Variants in UNC80 observed in about 807,000 individuals in gnomAD.
UNC80 encodes the protein protein unc-80 homolog.
UNC80 carries 164 observed loss-of-function variants against 384.6 expected under a neutral mutation model. The ratio of observed to expected loss-of-function variants is 0.43; its 90% CI spans 0.38 to 0.49. The LOEUF (loss-of-function observed/expected upper bound fraction) is 0.49, where lower values mean the gene tolerates loss of function less well. Ranked by LOEUF, UNC80 falls within the 20% of genes least tolerant of loss-of-function variation. The probability of loss-of-function intolerance (pLI) is 0.00; values close to 1 mark genes in which losing one functional copy is unlikely to be tolerated. For missense variants in UNC80, 3,330 were observed against 4,143.0 expected (o/e 0.80, Z 5.39); for synonymous variants, 1,486 against 1,527.8 (o/e 0.97, Z 0.64).
chr2:209,863,968 G>A (rs1183334676), intron 22 of UNC80, among the ~76,000 whole-genome samples: 1 of 151,948 alleles, frequency 6.6e-6, no homozygotes, highest in Admixed American at 6.6e-5. Flanking sequence ...ATCTTCGTGA[G>A]TTTGTCTAGT....
chr2:209,984,916 C>T lies in UNC80; in HGVS notation c.9314+4C>T. The T allele has an allele frequency of 1.3e-6, 2 of 1,550,422 alleles. No individual in the cohort carries two copies. Among genetic ancestry groups the T allele is most frequent in the Non-Finnish European group, 1.7e-6 (2 of 1,146,418 alleles). The stretch of plus-strand genomic sequence containing the variant: ...CCGCCGAGGGCAGCCTCTCTAGGTA[C>T]AGTGTCAATGCTACCTGTCTATTGG... On this transcript the variant is annotated splice_donor_region_variant and intron_variant, in intron 61 of 64. Transcript: ENST00000673920.
Position 209,849,642 on chromosome 2 carries a change from T to A in UNC80, c.3627+19T>A. ...GGATCTAGTAAGTTGGTGAAAGAATTTTCCCACCCTGCCCCCCATCCCAAG... is the reference window on the plus strand; with the variant it reads ...GGATCTAGTAAGTTGGTGAAAGAATATTCCCACCCTGCCCCCCATCCCAAG... On this transcript the variant is annotated intron_variant, in intron 22 of 64. Transcript: ENST00000673920. The A allele has an allele frequency of 1.3e-6, 2 of 1,547,728 alleles. No individual in the cohort carries two copies. The highest frequency in any genetic ancestry group is 1.7e-4 in the Middle Eastern group (1 of 5,906).
In UNC80 at chr2:209,878,095, G is replaced by T. The variant is rs1192049346; in HGVS notation, c.3976+6G>T. 6.5e-7 allele frequency: 1 copy of T among 1,528,372 alleles called. No individual in the cohort carries two copies. The highest frequency in any genetic ancestry group is 1.2e-5 in the South Asian group (1 of 80,442). 94.7% of individuals were successfully genotyped at this position (1,528,372 alleles called of 1,614,324 possible). On this transcript the variant is annotated splice_donor_region_variant and intron_variant, in intron 24 of 64. Coordinates refer to ENST00000673920, the MANE Select transcript of UNC80 (RefSeq NM_001371986.1). Reference sequence around the variant, plus strand: ...GGAAGACTTTTTAGATGACAGTAAGGAGACTCCCTTTACTACAAGAACCCC... The same window carrying T: ...GGAAGACTTTTTAGATGACAGTAAGTAGACTCCCTTTACTACAAGAACCCC...
intron 16 of UNC80, among the ~76,000 whole-genome samples, chr2:209,832,206 GTA>G (rs760956241): frequency 3.9e-5 from 6 of 152,046 alleles, no homozygotes; most frequent in African/African-American, 9.7e-5. Context: ...CGAGTTCAGT[GTA>G]TACTGCTTGG....
intron 51 of UNC80, chr2:209,961,356 G>A (rs1457878884): frequency 1.6e-4 from 24 of 152,158 alleles, no homozygotes; most frequent in Admixed American, 1.6e-3. Context: ...GTAAACTAAG[G>A]TCCTGGTCTT....
intron 39 of UNC80, among the ~76,000 whole-genome samples, chr2:209,934,843 A>G (rs1005888394): frequency 6.6e-6 from 1 of 152,198 alleles, no homozygotes; most frequent in African/African-American, 2.4e-5. Context: ...CATTCGATGA[A>G]TGGGAATTGT....
intron 21 of UNC80, among the ~76,000 whole-genome samples, chr2:209,844,479 C>CTT (rs1491321381): frequency 1.9e-5 from 1 of 52,754 alleles, no homozygotes; most frequent in Admixed American, 1.9e-4. Context: ...TTCTTTCTTT[C>CTT]CTTCCTTCCT....
chr2:209,951,294 T>C (rs1471260299), intron 47 of UNC80, among the ~76,000 whole-genome samples: 1 of 133,656 alleles, frequency 7.5e-6, no homozygotes, highest in Non-Finnish European at 1.6e-5. Flanking sequence ...GTGTCCTTTT[T>C]TTTTCTCTCT....
At chr2:209,852,416 T>C (rs2082598539) in intron 22 of UNC80, among the ~76,000 whole-genome samples, 1 of 152,048 alleles carries the variant, frequency 6.6e-6, no homozygotes, top group Non-Finnish European at 1.5e-5. Flanking sequence ...GCAGAGGTGT[T>C]GGTAGAGAAT....
At position 209,883,887 on chromosome 2, in the gene UNC80, T is replaced by C. The variant is rs780141858; in HGVS notation, c.4110+2793T>C. Among the ~76,000 whole-genome samples the C allele has an allele frequency of 1.3e-4, 20 of 152,214 alleles. 1 individual carries two copies. Among genetic ancestry groups the C allele is most frequent in the Non-Finnish European group, 8.8e-5 (6 of 68,046 alleles). On this transcript the variant is annotated intron_variant, in intron 25 of 64. Transcript: ENST00000673920. Reference sequence around the variant, plus strand: ...TCACATATGTCAGAATTTCCTTCTTTTTTAAGGCTATATGGTTTTTTAAGA... The same window carrying C: ...TCACATATGTCAGAATTTCCTTCTTCTTTAAGGCTATATGGTTTTTTAAGA...
intron 7 of UNC80, among the ~76,000 whole-genome samples, chr2:209,802,843 G>A (rs2078649791): frequency 6.6e-6 from 1 of 152,180 alleles, no homozygotes; most frequent in African/African-American, 2.4e-5. Context: ...TCCAGTTACA[G>A]TTTCTCTCAG....
At chr2:209,863,858 G>A (rs971990621) in intron 22 of UNC80, among the ~76,000 whole-genome samples, 3 of 151,766 alleles carry the variant, frequency 2.0e-5, no homozygotes, top group Middle Eastern at 3.4e-3. Context: ...ATGTGATCTC[G>A]GTCCAGTTCT....
chr2:209,975,897 T>C lies in UNC80; in HGVS notation c.8588-222T>C, dbSNP rs1390161521. On this transcript the variant is annotated intron_variant, in intron 56 of 64. Transcript: ENST00000673920. The stretch of plus-strand genomic sequence containing the variant: ...GTTCTTAAGATGCACTTAAGAAAGA[T>C]ACTTGAGTAATCTTCATCAGAATCA... Among the ~76,000 whole-genome samples, 7 of 152,342 alleles carry C rather than the reference T, an allele frequency of 4.6e-5. No individual in the cohort carries two copies. In the East Asian group the frequency reaches 1.3e-3, roughly 29 times the overall value.
intron 7 of UNC80, among the ~76,000 whole-genome samples, chr2:209,805,616 A>G (rs7572221): frequency 0.99 from 150,760 of 152,338 alleles, 74,617 homozygotes; most frequent in East Asian, 1. Context: ...GTGTCTCTCC[A>G]TAGGGCTGCT....
Position 209,878,033 on chromosome 2 carries a change from A to T in UNC80, c.3920A>T (p.Glu1307Val), listed in dbSNP as rs749780251. 3 of 1,546,046 alleles carry T rather than the reference A, an allele frequency of 1.9e-6. No individual in the cohort carries two copies. The highest frequency in any genetic ancestry group is 2.6e-6 in the Non-Finnish European group (3 of 1,144,382). The change falls in exon 24 of 65, where the codon GAA becomes GTA. Residue 1307 changes from glutamate (E) to valine (V), a missense_variant. By Grantham distance (121) the Glu-to-Val change is moderately radical. This residue lies in a region of UNC80 where 801 missense variants were observed against 950.8 expected (regional missense o/e 0.84). Transcript: ENST00000673920. ...PANLLGLIYDEETKRRLRKED... is the reference protein window; with the variant it reads ...PANLLGLIYDVETKRRLRKED... Reference sequence around the variant, plus strand: ...AACCTGCTGGGTCTCATTTACGATGAAGAGACCAAGAGGAGACTTAGAAAG... The same window carrying T: ...AACCTGCTGGGTCTCATTTACGATGTAGAGACCAAGAGGAGACTTAGAAAG...
intron 49 of UNC80, 35 bp downstream of exon 49, chr2:209,957,771 C>G (rs559842744): frequency 3.6e-5 from 56 of 1,535,058 alleles, no homozygotes; most frequent in Middle Eastern, 1.7e-4. Context: ...TATGGTCTCT[C>G]AATTTCATAC....
intron 55 of UNC80, among the ~76,000 whole-genome samples, chr2:209,972,729 C>G (rs555489877): frequency 6.6e-6 from 1 of 152,308 alleles, no homozygotes; most frequent in Non-Finnish European, 1.5e-5. Context: ...ATTACTCTTT[C>G]TTCTTAGGGG....
In UNC80 at chr2:209,972,239, C is replaced by T. The variant is rs1383431995; in HGVS notation, c.8295C>T (p.Ser2765=). ...ATTTTCCTTTAAGCCATGTGATCTC[C>T]CCATTCACCAATCAAGAGCGAAGGG... The part of the protein sequence containing the change: ...KEDFPLSHVI[S]PFTNQERREG... The change falls in exon 55 of 65, where the codon TCC becomes TCT. Residue 2765 remains serine (S), a synonymous_variant. Coordinates refer to ENST00000673920, the MANE Select transcript of UNC80 (RefSeq NM_001371986.1). 3 of 1,551,408 alleles carry T rather than the reference C, an allele frequency of 1.9e-6. No homozygotes were observed. Among genetic ancestry groups the T allele is most frequent in the South Asian group, 1.2e-5 (1 of 84,040 alleles).
Position 209,929,855 on chromosome 2 carries a change from T to A in UNC80, c.5807-16T>A. On this transcript the variant is annotated splice_polypyrimidine_tract_variant and intron_variant, in intron 36 of 64. Transcript: ENST00000673920. ...TCCATTAAAGACAAATGTTCAACTT[T>A]CTTTCTCTTCTGAAGTGAGTGCTGT... 6.7e-7 allele frequency: 1 copy of A among 1,496,718 alleles called. No homozygotes were observed. The highest frequency in any genetic ancestry group is 8.9e-7 in the Non-Finnish European group (1 of 1,119,344). 92.7% of individuals were successfully genotyped at this position (1,496,718 alleles called of 1,614,324 possible). A position where few individuals can be genotyped will look rare whatever the true frequency, so the allele number is the denominator to read the frequency against.
Sources: allele counts gnomAD v4.1 joint callset (sites outside exome capture counted in the v4.1 genomes callset), GRCh38; gene constraint gnomAD v4.1.1; regional missense constraint gnomAD v4.1.1; transcripts MANE v1.5; gene names NCBI Gene and HGNC (gene_info 2026-07-23, HGNC 2026-07-21).